The following JHY variants were observed in gnomAD, a reference collection of about 807,000 sequenced individuals.
JHY encodes junctional cadherin complex regulator.
In JHY, 69 loss-of-function variants were observed where a neutral mutation model predicts 78.0. The ratio of observed to expected loss-of-function variants is 0.88; its 90% confidence interval spans 0.73 to 1.08. JHY has a LOEUF of 1.08. Among genes scored for constraint, JHY ranks in the 50% least tolerant of loss-of-function variants. The pLI, the probability that JHY is intolerant of heterozygous loss-of-function variation, is 0.00. For synonymous variants in JHY, 368 were observed against 342.6 expected (o/e 1.07, Z -0.82); for missense variants, 944 against 927.8 (o/e 1.02, Z -0.23).
Position 122,935,249 on chromosome 11 carries a change from T to C in JHY, c.1634+174T>C, listed in dbSNP as rs201934410. On this transcript the variant is annotated intron_variant, in intron 5 of 8. Transcript: ENST00000227349. This position sits in a 1 kb window ranked among gnomAD's most constrained non-coding sequence, Gnocchi z 4.5. ...TGCCTCAAAGAGTCCACTTTTTTTT[T>C]TTTTAGACAGATTCTTGCTCTGTTG... Among the ~76,000 whole-genome samples, 2 of 152,148 alleles carry C rather than the reference T, an allele frequency of 1.3e-5. No homozygotes were observed. The highest frequency in any genetic ancestry group is 3.9e-4 in the East Asian group (2 of 5,178).
chr11:122,921,868 C>T (rs1863372837), intron 3 of JHY, among the ~76,000 whole-genome samples: 1 of 152,108 alleles, frequency 6.6e-6, no homozygotes, highest in African/African-American at 2.4e-5. Flanking sequence ...CCTGTAGTCC[C>T]AGCAACTTGG....
chr11:122,889,054 G>C (rs765935554), intron 2 of JHY, among the ~76,000 whole-genome samples: 1 of 152,142 alleles, frequency 6.6e-6, no homozygotes, highest in Non-Finnish European at 1.5e-5. Flanking sequence ...ATGGGCGACT[G>C]GACATCTTCA....
At chr11:122,911,607 ATT>A (rs1487412253) in intron 3 of JHY, among the ~76,000 whole-genome samples, 1 of 152,176 alleles carries the variant, frequency 6.6e-6, no homozygotes, top group Non-Finnish European at 1.5e-5. Context: ...AATAAACTGT[ATT>A]TAAGAAAGTG....
At chr11:122,949,295 T>C (rs1296332319) in intron 6 of JHY, among the ~76,000 whole-genome samples, 1 of 152,030 alleles carries the variant, frequency 6.6e-6, no homozygotes, top group Non-Finnish European at 1.5e-5. Context: ...AGAAGTACTT[T>C]ATTGTGTAGG....
In JHY at chr11:122,962,554, G is replaced by A. The variant is rs565988373; in HGVS notation, c.*3109G>A. Among the ~76,000 whole-genome samples the A allele has an allele frequency of 1.2e-4, 19 of 152,142 alleles. No homozygotes were observed. Among genetic ancestry groups the A allele is most frequent in the African/African-American group, 4.6e-4 (19 of 41,448 alleles). ...CTAAAATGTATTTATAAGAGAAGAG[G>A]CCCTTCTAGGTGCATGAAGACATTT... is the stretch of plus-strand genomic sequence containing the variant. On this transcript the variant is annotated 3_prime_UTR_variant, in exon 9 of 9. Coordinates refer to ENST00000227349, the MANE Select transcript of JHY (RefSeq NM_024806.4).
Position 122,960,545 on chromosome 11 carries a change from C to G in JHY, c.*1100C>G, listed in dbSNP as rs913101446. On this transcript the variant is annotated 3_prime_UTR_variant, in exon 9 of 9. Coordinates refer to ENST00000227349, the MANE Select transcript of JHY (RefSeq NM_024806.4). ...TCTTCCAATTTCTTTATCCTGAAAC[C>G]AGTGTAACAGGACCCTATGTGCTCC... 1 of 234,090 alleles carries G rather than the reference C, an allele frequency of 4.3e-6. No homozygotes were observed. Among genetic ancestry groups the G allele is most frequent in the Non-Finnish European group, 9.0e-6 (1 of 111,536 alleles). The allele number at this position is 234,090 out of a possible 1,614,324, so 14.5% of individuals were successfully genotyped here. A position where few individuals can be genotyped will look rare whatever the true frequency, so the allele number is the denominator to read the frequency against.
intron 3 of JHY, among the ~76,000 whole-genome samples, chr11:122,920,163 T>A (rs1804629205): frequency 6.6e-6 from 1 of 152,206 alleles, no homozygotes. Context: ...ATATTAGAAA[T>A]AGGGTAAAGA....
At chr11:122,902,515 A>T (rs1349161364) in intron 2 of JHY, among the ~76,000 whole-genome samples, 2 of 152,340 alleles carry the variant, frequency 1.3e-5, no homozygotes, top group African/African-American at 2.4e-5. Flanking sequence ...GCATTGCTGC[A>T]AAGAAATACC....
intron 5 of JHY, 85 bp from the exon 6 acceptor site, chr11:122,946,413 T>A (rs986714197): frequency 9.4e-6 from 13 of 1,379,578 alleles, no homozygotes; most frequent in Non-Finnish European, 1.3e-5. Context: ...TACATCAAAT[T>A]AATGGTTCAT....
chr11:122,920,263 T>C (rs946463810), intron 3 of JHY, among the ~76,000 whole-genome samples: 5 of 152,204 alleles, frequency 3.3e-5, no homozygotes, highest in Non-Finnish European at 5.9e-5. Context: ...AATTGAATAA[T>C]AGGTGTTGGA....
intron 3 of JHY, among the ~76,000 whole-genome samples, chr11:122,913,172 C>A (rs528480395): frequency 1.3e-5 from 2 of 152,146 alleles, no homozygotes; most frequent in African/African-American, 4.8e-5. Context: ...ACACCCCACA[C>A]TCGCCATGCT....
intron 5 of JHY, among the ~76,000 whole-genome samples, chr11:122,937,212 A>G (rs1167509573): frequency 6.8e-6 from 1 of 147,460 alleles, no homozygotes; most frequent in African/African-American, 2.5e-5. Flanking sequence ...CACCTTTATT[A>G]TATCTATAAT....
intron 3 of JHY, among the ~76,000 whole-genome samples, chr11:122,920,921 G>A (rs1474628737): frequency 6.6e-6 from 1 of 152,040 alleles, no homozygotes; most frequent in Non-Finnish European, 1.5e-5. Context: ...TTTCAGTAGA[G>A]AAGCAATTAT....
At chr11:122,919,389 C>G (rs58906513) in intron 3 of JHY, among the ~76,000 whole-genome samples, 22,745 of 142,986 alleles carry the variant, frequency 0.16, 3,048 homozygotes, top group African/African-American at 0.36. Context: ...AGTGAAGGGG[C>G]AAAGAAATTC....
intron 6 of JHY, among the ~76,000 whole-genome samples, chr11:122,953,790 T>C (rs1864141887): frequency 6.6e-6 from 1 of 152,210 alleles, no homozygotes; most frequent in Admixed American, 6.6e-5. Flanking sequence ...GTGTGTCTTC[T>C]GCATACTTTA....
chr11:122,933,744 G>A (rs1009282142), intron 4 of JHY, among the ~76,000 whole-genome samples: 1 of 152,136 alleles, frequency 6.6e-6, no homozygotes, highest in Non-Finnish European at 1.5e-5. Context: ...ACCAGCATGA[G>A]TAAAAAGATC....
chr11:122,894,877 C>T (rs1262387291), intron 2 of JHY, among the ~76,000 whole-genome samples: 1 of 152,176 alleles, frequency 6.6e-6, no homozygotes, highest in Non-Finnish European at 1.5e-5. Flanking sequence ...ACCTTCATTT[C>T]ATTAAAGCAT....
intron 2 of JHY, among the ~76,000 whole-genome samples, chr11:122,890,863 T>C (rs1862600439): frequency 5.9e-5 from 9 of 152,200 alleles, no homozygotes; most frequent in Admixed American, 5.9e-4. Context: ...ATTGTTTGGC[T>C]ATATAGTGCT....
rs368571347 is a variant in JHY, at chr11:122,925,047, C to T, written c.978+37C>T. The T allele has an allele frequency of 4.8e-5, 69 of 1,425,418 alleles. No homozygotes were observed. In the Middle Eastern group the frequency reaches 5.3e-4, roughly 11 times the overall value. 88.3% of individuals were successfully genotyped at this position (1,425,418 alleles called of 1,614,324 possible). ...GATTGCATTTTAAGTGTGTTTCAAG[C>T]GATACTGCTGAATATAAGTAATGAT... is the stretch of plus-strand genomic sequence containing the variant. On this transcript the variant is annotated intron_variant, in intron 4 of 8. Coordinates refer to ENST00000227349, the MANE Select transcript of JHY (RefSeq NM_024806.4).
Sources: gnomAD v4.1 joint callset for allele counts (sites outside exome capture counted in the v4.1 genomes callset) on GRCh38, gnomAD v4.1.1 for gene constraint, Gnocchi (gnomAD v3.1) non-coding constraint, MANE v1.5 for transcripts, NCBI Gene and HGNC (gene_info 2026-07-23, HGNC 2026-07-21) for gene names.